The following ZMYM2 variants were observed in gnomAD, a reference collection of about 807,000 sequenced individuals.
ZMYM2 encodes the protein zinc finger MYM-type protein 2.
In ZMYM2, 56 loss-of-function variants were observed where a neutral mutation model predicts 162.8. That is an observed-to-expected ratio of 0.34 (90% CI 0.28 to 0.43). The LOEUF (loss-of-function observed/expected upper bound fraction) is 0.43, where lower values mean the gene tolerates loss of function less well. Ranked by LOEUF, ZMYM2 falls within the 20% of genes least tolerant of loss-of-function variation. The probability of loss-of-function intolerance (pLI) is 1.00; values close to 1 mark genes in which losing one functional copy is unlikely to be tolerated. For missense variants in ZMYM2, 1,275 were observed against 1,621.8 expected (o/e 0.79, Z 3.67); for synonymous variants, 510 against 541.6 (o/e 0.94, Z 0.81).
the ZMYM2 span, among the ~76,000 whole-genome samples, chr13:19,883,352 CTAAA>C: frequency 3.9e-5 from 6 of 152,260 alleles, no homozygotes; most frequent in South Asian, 8.3e-4. Context: ...TGTGAATATA[CTAAA>C]TGTCACTGAA....
intron 21 of ZMYM2, among the ~76,000 whole-genome samples, chr13:20,075,427 T>C (rs1957414057): frequency 1.3e-5 from 2 of 152,176 alleles, no homozygotes; most frequent in Admixed American, 6.5e-5. Flanking sequence ...TTGTTTTGTT[T>C]GTTTGTTTGT....
intron 2 of ZMYM2, among the ~76,000 whole-genome samples, chr13:19,971,796 T>C (rs1490646597): frequency 6.6e-6 from 1 of 151,924 alleles, no homozygotes; most frequent in African/African-American, 2.4e-5. Flanking sequence ...TTTCTATTAT[T>C]GAGTCACTAG....
chr13:20,040,646 T>A (rs896067403), intron 12 of ZMYM2, among the ~76,000 whole-genome samples: 11 of 152,214 alleles, frequency 7.2e-5, no homozygotes, highest in African/African-American at 1.9e-4. Flanking sequence ...TTCTGCTAGC[T>A]TTGGGATTGG....
chr13:19,994,038 A>G, intron 3 of ZMYM2, 119 bp downstream of exon 3: 1 of 1,183,248 alleles, frequency 8.5e-7, no homozygotes, highest in South Asian at 1.7e-5. Context: ...TATGTGAATT[A>G]TATTGAATTT....
intron 21 of ZMYM2, among the ~76,000 whole-genome samples, chr13:20,079,717 C>A (rs1379938848): frequency 1.3e-5 from 2 of 151,990 alleles, no homozygotes; most frequent in African/African-American, 2.4e-5. Context: ...CCTAGAGAAA[C>A]CTTTTCAGGA....
At chr13:20,041,670 T>C (rs1291500605) in intron 12 of ZMYM2, among the ~76,000 whole-genome samples, 1 of 152,204 alleles carries the variant, frequency 6.6e-6, no homozygotes, top group Non-Finnish European at 1.5e-5. Flanking sequence ...AAGTGTGTTT[T>C]TGTAGTGGTT....
At chr13:19,942,085 TAA>T in the ZMYM2 span, among the ~76,000 whole-genome samples, 1 of 152,104 alleles carries the variant, frequency 6.6e-6, no homozygotes, top group Non-Finnish European at 1.5e-5. Context: ...TATTTCTATA[TAA>T]TTCTACTTTT....
chr13:19,875,367 C>T, the ZMYM2 span, among the ~76,000 whole-genome samples: 193 of 152,230 alleles, frequency 1.3e-3, 1 homozygote, highest in African/African-American at 4.4e-3. Context: ...CAGCGGCTCA[C>T]ACCTGTAATC....
At chr13:19,865,874 G>T in the ZMYM2 span, among the ~76,000 whole-genome samples, 1 of 152,114 alleles carries the variant, frequency 6.6e-6, no homozygotes, top group Non-Finnish European at 1.5e-5. Flanking sequence ...GATAATTCAG[G>T]ACTCCCGGCT....
the ZMYM2 span, among the ~76,000 whole-genome samples, chr13:19,916,098 T>C: frequency 6.6e-6 from 1 of 151,990 alleles, no homozygotes; most frequent in African/African-American, 2.4e-5. Flanking sequence ...CCTGACCTCA[T>C]GATGCGCCCA....
chr13:20,041,821 A>G (rs569493957), intron 12 of ZMYM2, among the ~76,000 whole-genome samples: 12 of 152,116 alleles, frequency 7.9e-5, no homozygotes, highest in African/African-American at 2.9e-4. Flanking sequence ...TTGGTGGGAT[A>G]TGGAATTCTG....
the ZMYM2 span, among the ~76,000 whole-genome samples, chr13:19,937,430 G>A: frequency 4.7e-5 from 7 of 148,502 alleles, no homozygotes; most frequent in Non-Finnish European, 1.0e-4. Flanking sequence ...GAGCCACTGC[G>A]CCCGGCCTAC....
chr13:19,890,713 T>TA, the ZMYM2 span, among the ~76,000 whole-genome samples: 6 of 149,540 alleles, frequency 4.0e-5, no homozygotes, highest in Admixed American at 6.7e-5. Flanking sequence ...TACTAAAAAT[T>TA]AAAAAAAAAT....
chr13:20,082,160 C>T (rs1170710359), intron 22 of ZMYM2, 30 bp downstream of exon 22: 2 of 1,443,462 alleles, frequency 1.4e-6, no homozygotes, highest in Non-Finnish European at 1.9e-6. Context: ...AGGTGTTGCT[C>T]TCTTGATATT....
intron 12 of ZMYM2, among the ~76,000 whole-genome samples, chr13:20,039,613 G>A (rs994252586): frequency 1.1e-4 from 16 of 151,588 alleles, no homozygotes; most frequent in African/African-American, 3.2e-4. Flanking sequence ...AGCTGGGACT[G>A]CAGGCGCCCG....
At chr13:19,995,239 TTTAAAG>T (rs1212992074) in intron 3 of ZMYM2, among the ~76,000 whole-genome samples, 1 of 152,152 alleles carries the variant, frequency 6.6e-6, no homozygotes, top group African/African-American at 2.4e-5. Flanking sequence ...CTAAAACTAC[TTTAAAG>T]TTATGATTGA....
At chr13:20,011,294 G>A (rs1951159456) in intron 6 of ZMYM2, among the ~76,000 whole-genome samples, 1 of 152,052 alleles carries the variant, frequency 6.6e-6, no homozygotes, top group Non-Finnish European at 1.5e-5. Flanking sequence ...GACCCAAAGT[G>A]TTTCAGATTT....
At chr13:19,865,754 A>G in the ZMYM2 span, among the ~76,000 whole-genome samples, 1 of 152,236 alleles carries the variant, frequency 6.6e-6, no homozygotes, top group Non-Finnish European at 1.5e-5. Context: ...TCATGTCCCA[A>G]TGAAAACGCT....
At chr13:20,010,614 C>A (rs1951093976) in intron 6 of ZMYM2, among the ~76,000 whole-genome samples, 1 of 151,298 alleles carries the variant, frequency 6.6e-6, no homozygotes, top group African/African-American at 2.4e-5. Flanking sequence ...GTTCTTTTTT[C>A]TCTTTTTGTT....
Sources: gnomAD v4.1 joint callset for allele counts (sites outside exome capture counted in the v4.1 genomes callset) on GRCh38, gnomAD v4.1.1 for gene constraint, MANE v1.5 for transcripts, NCBI Gene and HGNC (gene_info 2026-07-23, HGNC 2026-07-21) for gene names.